HS6ST3: variants seen among roughly 807,000 people sequenced by gnomAD.
HS6ST3 encodes the protein heparan-sulfate 6-O-sulfotransferase 3.
A neutral mutation model predicts 36.7 loss-of-function variants in HS6ST3; 12 were observed. That is an observed-to-expected ratio of 0.33 (90% CI 0.21 to 0.53). The LOEUF (loss-of-function observed/expected upper bound fraction) is 0.53. HS6ST3 is among the 20% of genes least tolerant of loss of function. HS6ST3 has a pLI of 0.95. For synonymous variants in HS6ST3, 240 were observed against 257.5 expected (o/e 0.93, Z 0.65); for missense variants, 584 against 640.9 (o/e 0.91, Z 0.96).
intron 1 of HS6ST3, among the ~76,000 whole-genome samples, chr13:96,455,166 A>G (rs975808522): frequency 4.6e-5 from 7 of 152,188 alleles, no homozygotes; most frequent in Non-Finnish European, 1.0e-4. Context: ...TTAAGAGGGA[A>G]GTAGATCCCA....
chr13:96,651,647 A>G (rs1339418675), intron 1 of HS6ST3, among the ~76,000 whole-genome samples: 1 of 151,994 alleles, frequency 6.6e-6, no homozygotes, highest in Non-Finnish European at 1.5e-5. Flanking sequence ...ACATTTTCCT[A>G]TGTCCTTCCC....
At chr13:96,776,794 C>G (rs1354113132) in intron 1 of HS6ST3, among the ~76,000 whole-genome samples, 1 of 152,168 alleles carries the variant, frequency 6.6e-6, no homozygotes, top group Non-Finnish European at 1.5e-5. Flanking sequence ...CCTTCTGAAA[C>G]TATTCCAAAC....
chr13:96,623,587 G>A (rs2056502400), intron 1 of HS6ST3, among the ~76,000 whole-genome samples: 1 of 151,840 alleles, frequency 6.6e-6, no homozygotes. Flanking sequence ...AAACCTAGGA[G>A]GTATTCAGCC....
chr13:96,433,670 C>G (rs894781348), intron 1 of HS6ST3, among the ~76,000 whole-genome samples: 2 of 152,152 alleles, frequency 1.3e-5, no homozygotes, highest in Non-Finnish European at 2.9e-5. Context: ...TGCGGTGGCT[C>G]ACACCTGTAA....
At chr13:96,549,281 G>A (rs1327114800) in intron 1 of HS6ST3, among the ~76,000 whole-genome samples, 1 of 152,002 alleles carries the variant, frequency 6.6e-6, no homozygotes, top group African/African-American at 2.4e-5. Flanking sequence ...AACTTCTGTA[G>A]CCTGTAGGAT....
chr13:96,559,071 AATCTATCT>A (rs3051060), intron 1 of HS6ST3, among the ~76,000 whole-genome samples: 23,621 of 147,396 alleles, frequency 0.16, 1,966 homozygotes, highest in East Asian at 0.19. Flanking sequence ...GAATCTATAT[AATCTATCT>A]ATCTATCTAT....
intron 1 of HS6ST3, among the ~76,000 whole-genome samples, chr13:96,430,654 A>C (rs1311356811): frequency 6.6e-6 from 1 of 152,094 alleles, no homozygotes; most frequent in Non-Finnish European, 1.5e-5. Flanking sequence ...CATTCCCTAC[A>C]GTCTGAGTTC....
At chr13:96,442,487 C>A (rs912526789) in intron 1 of HS6ST3, among the ~76,000 whole-genome samples, 1 of 152,104 alleles carries the variant, frequency 6.6e-6, no homozygotes, top group Non-Finnish European at 1.5e-5. Context: ...GCCAAGAATT[C>A]GATGTCCTGG....
intron 1 of HS6ST3, among the ~76,000 whole-genome samples, chr13:96,131,770 T>C (rs181812944): frequency 1.4e-3 from 207 of 151,228 alleles, no homozygotes; most frequent in African/African-American, 4.7e-3. Context: ...TCACATATCA[T>C]TTATTACCTA....
At chr13:96,558,396 A>G (rs968224336) in intron 1 of HS6ST3, among the ~76,000 whole-genome samples, 25 of 152,218 alleles carry the variant, frequency 1.6e-4, no homozygotes, top group African/African-American at 5.3e-4. Flanking sequence ...TAAAGAAGAG[A>G]AAGTTAAGTT....
At chr13:96,489,280 A>G (rs184273591) in intron 1 of HS6ST3, among the ~76,000 whole-genome samples, 9 of 152,086 alleles carry the variant, frequency 5.9e-5, no homozygotes, top group African/African-American at 2.2e-4. Context: ...TCCAGTCAGT[A>G]AATGGCTCTT....
intron 1 of HS6ST3, among the ~76,000 whole-genome samples, chr13:96,195,245 T>C (rs988075706): frequency 6.6e-6 from 1 of 152,240 alleles, no homozygotes; most frequent in Non-Finnish European, 1.5e-5. Flanking sequence ...AATTGGAAGA[T>C]GGAACATGTT....
intron 1 of HS6ST3, among the ~76,000 whole-genome samples, chr13:96,135,370 T>G (rs74536635): frequency 0.024 from 3,624 of 152,270 alleles, 123 homozygotes; most frequent in African/African-American, 0.081. Context: ...GAACACACAG[T>G]GAATCATAAG....
At position 96,799,996 on chromosome 13, in the gene HS6ST3, ATG is replaced by A. The variant is rs201980136; in HGVS notation, c.708-32492_708-32491del. 2.7e-4 allele frequency among the ~76,000 whole-genome samples: 21 copies of A among 77,216 alleles called. 3 individuals carry two copies. The highest frequency in any genetic ancestry group is 1.9e-3 in the African/African-American group (21 of 11,296). 50.7% of individuals were successfully genotyped at this position (77,216 alleles called of 152,430 possible). A position where few individuals can be genotyped will look rare whatever the true frequency, so the allele number is the denominator to read the frequency against. On this transcript the variant is annotated intron_variant, in intron 1 of 1. Transcript: ENST00000376705. ...TATATATATATGTATATATATATATATGTATATATATATATATGTATATATAT... is the reference window on the plus strand; with the variant it reads ...TATATATATATGTATATATATATATATATATATATATATATGTATATATAT...
intron 1 of HS6ST3, among the ~76,000 whole-genome samples, chr13:96,250,431 A>T (rs751852368): frequency 1.3e-5 from 2 of 152,206 alleles, no homozygotes; most frequent in Admixed American, 6.5e-5. Context: ...TCCAATGACA[A>T]GTGTCCTAGT....
At chr13:96,368,432 G>A (rs985970129) in intron 1 of HS6ST3, among the ~76,000 whole-genome samples, 10 of 150,848 alleles carry the variant, frequency 6.6e-5, no homozygotes, top group Non-Finnish European at 7.4e-5. Flanking sequence ...AGACTCGTTC[G>A]ATGAAAAAAA....
chr13:96,151,913 T>C (rs2054086800), intron 1 of HS6ST3, among the ~76,000 whole-genome samples: 1 of 152,184 alleles, frequency 6.6e-6, no homozygotes, highest in Non-Finnish European at 1.5e-5. Flanking sequence ...TCGTAGTGGA[T>C]TAAGGGCCTG....
At chr13:96,228,726 A>C (rs2139366380) in intron 1 of HS6ST3, among the ~76,000 whole-genome samples, 1 of 152,356 alleles carries the variant, frequency 6.6e-6, no homozygotes, top group Middle Eastern at 3.4e-3. Flanking sequence ...GTGCAAAGGA[A>C]TTAAGCATTG....
At chr13:96,727,730 A>G (rs998633339) in intron 1 of HS6ST3, among the ~76,000 whole-genome samples, 5 of 152,162 alleles carry the variant, frequency 3.3e-5, no homozygotes, top group African/African-American at 1.2e-4. Context: ...CCCCAGTTCC[A>G]TTCAATCACA....
Sources: allele counts gnomAD v4.1 joint callset (sites outside exome capture counted in the v4.1 genomes callset), GRCh38; gene constraint gnomAD v4.1.1; transcripts MANE v1.5; gene names NCBI Gene and HGNC (gene_info 2026-07-23, HGNC 2026-07-21).